B4GALNT3: variants seen among roughly 807,000 people sequenced by gnomAD.
B4GALNT3 encodes beta-1,4-N-acetyl-galactosaminyltransferase 3.
B4GALNT3 carries 86 observed loss-of-function variants against 120.2 expected under a neutral mutation model. The ratio of observed to expected loss-of-function variants is 0.72; its 90% CI spans 0.60 to 0.86. The LOEUF is 0.86. Among genes scored for constraint, B4GALNT3 ranks in the 40% least tolerant of loss-of-function variants. The pLI is 0.00. For synonymous variants in B4GALNT3, 518 were observed against 510.4 expected (o/e 1.01, Z -0.20); for missense variants, 1,167 against 1,298.9 (o/e 0.90, Z 1.56).
Position 544,322 on chromosome 12 carries a change from G to T in B4GALNT3, c.352-17G>T. 1 of 1,612,280 alleles carries T rather than the reference G, an allele frequency of 6.2e-7. No homozygotes were observed. ...GGGTGCTCACGCTCACTCACCACTGGCGTCTCCGCCCTGCAGTTCCGGGGC... is the reference window on the plus strand; with the variant it reads ...GGGTGCTCACGCTCACTCACCACTGTCGTCTCCGCCCTGCAGTTCCGGGGC... On this transcript the variant is annotated splice_polypyrimidine_tract_variant and intron_variant, in intron 3 of 19. Transcript: ENST00000266383.
At chr12:494,880 C>T (rs1565593248) in intron 1 of B4GALNT3, among the ~76,000 whole-genome samples, 1 of 152,018 alleles carries the variant, frequency 6.6e-6, no homozygotes, top group African/African-American at 2.4e-5. Context: ...GAGCATTGTC[C>T]GGATTTAGTC....
Position 557,684 on chromosome 12 carries a change from C to A in B4GALNT3, c.2457C>A (p.His819Gln). 1.2e-6 allele frequency: 2 copies of A among 1,609,518 alleles called. No homozygotes were observed. Among genetic ancestry groups the A allele is most frequent in the Non-Finnish European group, 8.5e-7 (1 of 1,178,476 alleles). Residue 819 changes from histidine (H) to glutamine (Q), a missense_variant, in exon 16 of 20, where the codon CAC becomes CAA. His to Gln is a conservative substitution (Grantham distance 24). Coordinates refer to ENST00000266383, the MANE Select transcript of B4GALNT3 (RefSeq NM_173593.4). ...TGTTCCAGGTCACCGGTGACCCACA[C>A]TTCAACATCGTCATCACTGACTATA... ...ENLFQVTGDP[H>Q]FNIVITDYSS...
rs559046344 is a variant in B4GALNT3, at chr12:561,261, A to T, written c.2889-82A>T. On this transcript the variant is annotated intron_variant, in intron 19 of 19. Transcript: ENST00000266383. The stretch of plus-strand genomic sequence containing the variant: ...CTTCCCTGCCCCGTGGGGAGCGAAC[A>T]GAGGGTCTGTGGTCGATGGGGAGGG... 2.8e-4 allele frequency: 292 copies of T among 1,036,178 alleles called. 3 individuals carry two copies. In the South Asian group the frequency reaches 3.8e-3, roughly 14 times the overall value. 64.2% of individuals were successfully genotyped at this position (1,036,178 alleles called of 1,614,324 possible).
intron 6 of B4GALNT3, among the ~76,000 whole-genome samples, chr12:545,689 G>A (rs1331845497): frequency 9.0e-5 from 13 of 144,516 alleles, no homozygotes; most frequent in Admixed American, 8.9e-4. Flanking sequence ...GAGGAGCGAG[G>A]TGTGGGGAGG....
At chr12:480,614 A>G (rs182250883) in intron 1 of B4GALNT3, among the ~76,000 whole-genome samples, 337 of 152,190 alleles carry the variant, frequency 2.2e-3, no homozygotes, top group Non-Finnish European at 3.5e-3. Flanking sequence ...CTGGGTTCCT[A>G]TTGGTGACCT....
intron 1 of B4GALNT3, among the ~76,000 whole-genome samples, chr12:497,233 A>G (rs1236838510): frequency 6.6e-6 from 1 of 152,068 alleles, no homozygotes; most frequent in Non-Finnish European, 1.5e-5. Context: ...GGCTCACTGC[A>G]ACCTCCGCCT....
rs754301049 is a variant in B4GALNT3 at position 553,753 on chromosome 12, A to G, written c.1830A>G (p.Glu610=). Residue 610 remains glutamate, a synonymous_variant, in exon 14 of 20, where the codon GAA becomes GAG. Transcript: ENST00000266383. ...AAGTGGAGGGAGAGGAAGAGGGGGA[A>G]GAAGAGGAGGAGGAAGAGGATATGA... ...EGQVEGEEEG[E]EEEEEEDMSE... The G allele has an allele frequency of 2.5e-6, 4 of 1,614,042 alleles. No individual in the cohort carries two copies. The highest frequency in any genetic ancestry group is 1.3e-5 in the African/African-American group (1 of 74,940).
At chr12:544,255 G>A in intron 3 of B4GALNT3, 84 bp from the exon 4 acceptor site, 11 of 1,316,456 alleles carry the variant, frequency 8.4e-6, no homozygotes, top group Non-Finnish European at 1.2e-5. Flanking sequence ...GGCGGGCATG[G>A]GATGCTCATC....
At chr12:514,493 A>G (rs185074848) in intron 1 of B4GALNT3, among the ~76,000 whole-genome samples, 130 of 151,958 alleles carry the variant, frequency 8.6e-4, no homozygotes, top group Non-Finnish European at 1.4e-3. Context: ...CACCACGCCC[A>G]GCCTATTTTT....
chr12:522,778 G>C (rs1412774264), intron 1 of B4GALNT3, among the ~76,000 whole-genome samples: 1 of 146,854 alleles, frequency 6.8e-6, no homozygotes, highest in Non-Finnish European at 1.5e-5. Flanking sequence ...TACCAAAAAA[G>C]AAAAAAAAAA....
chr12:460,869 C>T lies in B4GALNT3; in HGVS notation c.169+324C>T, dbSNP rs896233089. On this transcript the variant is annotated intron_variant, in intron 1 of 19. Coordinates refer to ENST00000266383, the MANE Select transcript of B4GALNT3 (RefSeq NM_173593.4). The surrounding 1 kb of genome is among the most constrained non-coding windows in gnomAD (Gnocchi z 8.0). ...CGCCGAGACGCTGGCGGAGACCGGG[C>T]CCCTCCAGCCGCTCCGGGCTTGCGG... is the stretch of plus-strand genomic sequence containing the variant. Among the ~76,000 whole-genome samples the T allele has an allele frequency of 6.6e-6, 1 of 152,112 alleles. No individual in the cohort carries two copies. Among genetic ancestry groups the T allele is most frequent in the South Asian group, 2.1e-4 (1 of 4,836 alleles).
At chr12:484,705 G>A (rs1946273557) in intron 1 of B4GALNT3, among the ~76,000 whole-genome samples, 2 of 152,018 alleles carry the variant, frequency 1.3e-5, no homozygotes, top group African/African-American at 4.8e-5. Context: ...CTGGCCCCAG[G>A]CTGGCCCAAG....
At chr12:509,958 G>A (rs562926804) in intron 1 of B4GALNT3, among the ~76,000 whole-genome samples, 1 of 152,286 alleles carries the variant, frequency 6.6e-6, no homozygotes, top group East Asian at 1.9e-4. Flanking sequence ...GCCCCTACGA[G>A]ACCTGCTGTG....
chr12:481,607 C>T (rs1016337108), intron 1 of B4GALNT3, among the ~76,000 whole-genome samples: 2 of 152,248 alleles, frequency 1.3e-5, no homozygotes, highest in Admixed American at 1.3e-4. Flanking sequence ...CGCAGGGCCC[C>T]TGTCTGCCAG....
At chr12:474,179 T>C (rs529237938) in intron 1 of B4GALNT3, among the ~76,000 whole-genome samples, 2 of 152,344 alleles carry the variant, frequency 1.3e-5, no homozygotes, top group East Asian at 3.9e-4. Context: ...ACTTGGAGTT[T>C]TCTACCAGGA....
At chr12:500,865 C>CCTTTTTTTTTTTTTTTTTTTTT (rs2043817132) in intron 1 of B4GALNT3, among the ~76,000 whole-genome samples, 1 of 61,830 alleles carries the variant, frequency 1.6e-5, no homozygotes, top group African/African-American at 7.5e-5. Context: ...GGCTCCACTG[C>CCTTTTTTTTTTTTTTTTTTTTT]TTTTTTTTTT....
intron 1 of B4GALNT3, among the ~76,000 whole-genome samples, chr12:490,885 T>G (rs1338743597): frequency 6.6e-6 from 1 of 152,098 alleles, no homozygotes; most frequent in East Asian, 1.9e-4. Context: ...AAGAAGTAAT[T>G]AATAACCTTT....
intron 1 of B4GALNT3, among the ~76,000 whole-genome samples, chr12:479,974 C>T (rs1375674252): frequency 1.4e-5 from 2 of 139,182 alleles, no homozygotes; most frequent in Non-Finnish European, 3.0e-5. Flanking sequence ...AGTGCAGTGG[C>T]GCCATCTCGG....
chr12:525,694 A>G (rs1166460844), intron 1 of B4GALNT3, among the ~76,000 whole-genome samples: 1 of 152,174 alleles, frequency 6.6e-6, no homozygotes, highest in Non-Finnish European at 1.5e-5. Context: ...TTCCACCTGG[A>G]AAGGAATAGG....
Sources: allele counts gnomAD v4.1 joint callset (sites outside exome capture counted in the v4.1 genomes callset), GRCh38; gene constraint gnomAD v4.1.1; non-coding constraint Gnocchi (gnomAD v3.1); transcripts MANE v1.5; gene names NCBI Gene and HGNC (gene_info 2026-07-23, HGNC 2026-07-21).